ZMYM4: variants seen among roughly 807,000 people sequenced by gnomAD.
ZMYM4 encodes zinc finger MYM-type protein 4.
A neutral mutation model predicts 183.2 loss-of-function variants in ZMYM4; 31 were observed. The observed-to-expected ratio is 0.17, with a 90% CI of 0.13 to 0.23. The LOEUF is 0.23. Among genes scored for constraint, ZMYM4 ranks in the 10% least tolerant of loss-of-function variants. The pLI is 1.00. For synonymous variants in ZMYM4, 592 were observed against 631.2 expected (o/e 0.94, Z 0.93); for missense variants, 1,273 against 1,840.3 (o/e 0.69, Z 5.64).
chr1:35,378,766 C>T (rs188760472), intron 7 of ZMYM4, among the ~76,000 whole-genome samples: 2 of 152,266 alleles, frequency 1.3e-5, no homozygotes, highest in African/African-American at 2.4e-5. Context: ...AAGACTGTTT[C>T]TTCTACATTG....
At chr1:35,280,232 CTCTT>C (rs951274059) in intron 1 of ZMYM4, among the ~76,000 whole-genome samples, 10 of 145,218 alleles carry the variant, frequency 6.9e-5, no homozygotes, top group Non-Finnish European at 1.3e-4. Context: ...CTTTCCCTTT[CTCTT>C]TCTTTCTCTC....
intron 2 of ZMYM4, among the ~76,000 whole-genome samples, chr1:35,329,437 A>C (rs1642640709): frequency 6.6e-6 from 1 of 152,218 alleles, no homozygotes; most frequent in Non-Finnish European, 1.5e-5. Context: ...GCTTTTATTT[A>C]ATATATTCAG....
At chr1:35,328,453 A>ATTTTTTT (rs1446235409) in intron 2 of ZMYM4, among the ~76,000 whole-genome samples, 1 of 132,016 alleles carries the variant, frequency 7.6e-6, no homozygotes, top group East Asian at 2.5e-4. Flanking sequence ...CTAATTTTTT[A>ATTTTTTT]ATTTTTTTTT....
At chr1:35,390,636 T>G (rs776144649) in intron 15 of ZMYM4, among the ~76,000 whole-genome samples, 1 of 152,218 alleles carries the variant, frequency 6.6e-6, no homozygotes. Context: ...GGGGATATGA[T>G]GGCTTAGCTT....
intron 1 of ZMYM4, among the ~76,000 whole-genome samples, chr1:35,301,235 C>A (rs1390337808): frequency 6.6e-6 from 1 of 152,138 alleles, no homozygotes; most frequent in Non-Finnish European, 1.5e-5. Flanking sequence ...CCATGTGATA[C>A]CCCATGTGTT....
chr1:35,363,299 A>G (rs1643989212), intron 5 of ZMYM4, among the ~76,000 whole-genome samples: 1 of 152,070 alleles, frequency 6.6e-6, no homozygotes, highest in Non-Finnish European at 1.5e-5. Flanking sequence ...TTTCATTTAG[A>G]TGTTTTTGGA....
intron 11 of ZMYM4, 41 bp downstream of exon 11, chr1:35,386,230 C>T (rs1276840099): frequency 2.1e-6 from 3 of 1,423,066 alleles, no homozygotes; most frequent in African/African-American, 2.8e-5. Context: ...GTCAGTGAGT[C>T]ACCTACTGTA....
rs139329558 is a variant in ZMYM4 at position 35,404,224 on chromosome 1, C to G, written c.3529-799C>G. Among the ~76,000 whole-genome samples the G allele has an allele frequency of 2.9e-3, 440 of 152,184 alleles. 3 individuals are homozygous for G. Among genetic ancestry groups the G allele is most frequent in the South Asian group, 3.7e-3 (18 of 4,812 alleles). ...GGACTACAGATGTATGCCACCATGCCTGGCTAATTTTTTAATTTTTTGTAG... is the reference window on the plus strand; with the variant it reads ...GGACTACAGATGTATGCCACCATGCGTGGCTAATTTTTTAATTTTTTGTAG... On this transcript the variant is annotated intron_variant, in intron 23 of 29. Coordinates refer to ENST00000314607, the MANE Select transcript of ZMYM4 (RefSeq NM_005095.3).
In ZMYM4 at chr1:35,349,151, CA is replaced by C. The variant is rs532851625; in HGVS notation, c.86-9771del. Among the ~76,000 whole-genome samples, 31 of 152,086 alleles carry C rather than the reference CA, an allele frequency of 2.0e-4. No homozygotes were observed. The East Asian group carries it at 6.0e-3, about 29-fold the overall frequency. The stretch of plus-strand genomic sequence containing the variant: ...GCTGGGATTACAGGCATGCACCTGG[CA>C]AATTTTTGTATTTTTAGTAGAGACG... On this transcript the variant is annotated intron_variant, in intron 2 of 29. Transcript: ENST00000314607.
chr1:35,353,596 T>G (rs1434181768), intron 2 of ZMYM4, among the ~76,000 whole-genome samples: 1 of 152,176 alleles, frequency 6.6e-6, no homozygotes, highest in Admixed American at 6.6e-5. Context: ...CCAGAAATCT[T>G]CCATGAGAAA....
At chr1:35,336,870 T>C (rs1464661534) in intron 2 of ZMYM4, among the ~76,000 whole-genome samples, 1 of 152,224 alleles carries the variant, frequency 6.6e-6, no homozygotes, top group Non-Finnish European at 1.5e-5. Flanking sequence ...GATTGGATTA[T>C]AGGGGCAGTT....
At position 35,268,787 on chromosome 1, in the gene ZMYM4, G is replaced by A. The variant is rs1639432933; in HGVS notation, c.-260G>A. 6.6e-6 allele frequency among the ~76,000 whole-genome samples: 1 copy of A among 152,230 alleles called. No homozygotes were observed. The highest frequency in any genetic ancestry group is 6.5e-5 in the Admixed American group (1 of 15,292). On this transcript the variant is annotated 5_prime_UTR_variant, in exon 1 of 30. Coordinates refer to ENST00000314607, the MANE Select transcript of ZMYM4 (RefSeq NM_005095.3). Reference sequence around the variant, plus strand: ...ATAATCCTACTCACGGGGCCCCTTGGAGGCCATTAACCCCCCGAGTCCCGG... The same window carrying A: ...ATAATCCTACTCACGGGGCCCCTTGAAGGCCATTAACCCCCCGAGTCCCGG...
intron 26 of ZMYM4, among the ~76,000 whole-genome samples, chr1:35,411,324 T>C (rs1425992374): frequency 2.0e-5 from 3 of 151,670 alleles, no homozygotes; most frequent in Non-Finnish European, 2.9e-5. Flanking sequence ...CGGCTAATTT[T>C]TTTTGTATTT....
At chr1:35,341,604 C>T (rs1258817521) in intron 2 of ZMYM4, among the ~76,000 whole-genome samples, 1 of 151,304 alleles carries the variant, frequency 6.6e-6, no homozygotes, top group Non-Finnish European at 1.5e-5. Context: ...ATCTAGTAGG[C>T]TTTTAAAATA....
At chr1:35,361,052 G>A in intron 3 of ZMYM4, 142 bp from the exon 4 acceptor site, 1 of 612,618 alleles carries the variant, frequency 1.6e-6, no homozygotes, top group Non-Finnish European at 2.6e-6. Context: ...CCTTTTGGGT[G>A]TTTTTGGGAC....
At position 35,325,466 on chromosome 1, in the gene ZMYM4, A is replaced by T. The variant is rs1642465472; in HGVS notation, c.85+61A>T. 4.6e-6 allele frequency: 7 copies of T among 1,532,594 alleles called. No individual in the cohort carries two copies. The Admixed American group carries it at 5.6e-5, about 12-fold the overall frequency. 94.9% of individuals were successfully genotyped at this position (1,532,594 alleles called of 1,614,324 possible). A position where few individuals can be genotyped will look rare whatever the true frequency, so the allele number is the denominator to read the frequency against. On this transcript the variant is annotated intron_variant, in intron 2 of 29. Transcript: ENST00000314607. ...AGATAGAAAATGAATGTTAATCTAG[A>T]TGTGGTATTTAACTATTACAGTGTT...
At chr1:35,340,270 T>C (rs1207484267) in intron 2 of ZMYM4, among the ~76,000 whole-genome samples, 1 of 152,134 alleles carries the variant, frequency 6.6e-6, no homozygotes, top group African/African-American at 2.4e-5. Flanking sequence ...AATTTTATAA[T>C]TTACTCTGTA....
intron 2 of ZMYM4, among the ~76,000 whole-genome samples, chr1:35,336,982 T>G (rs1643000233): frequency 6.6e-6 from 1 of 152,206 alleles, no homozygotes; most frequent in South Asian, 2.1e-4. Context: ...CCTGCTACCA[T>G]GTAAGACATG....
intron 2 of ZMYM4, among the ~76,000 whole-genome samples, chr1:35,339,210 C>T (rs1019236299): frequency 2.6e-5 from 4 of 152,074 alleles, no homozygotes; most frequent in Non-Finnish European, 4.4e-5. Flanking sequence ...TACAATATAA[C>T]AACTATTTAC....
Sources: allele counts gnomAD v4.1 joint callset (sites outside exome capture counted in the v4.1 genomes callset), GRCh38; gene constraint gnomAD v4.1.1; transcripts MANE v1.5; gene names NCBI Gene and HGNC (gene_info 2026-07-23, HGNC 2026-07-21).